PAX5: variants seen among roughly 807,000 people sequenced by gnomAD.
PAX5 encodes the protein paired box protein Pax-5.
PAX5 carries 9 observed loss-of-function variants against 43.7 expected under a neutral mutation model. The observed-to-expected ratio is 0.21, with a 90% CI of 0.12 to 0.36. The LOEUF is 0.36. Ranked by LOEUF, PAX5 falls within the 10% of genes least tolerant of loss-of-function variation. PAX5 has a pLI of 1.00. For missense variants in PAX5, 383 were observed against 532.7 expected (o/e 0.72, Z 2.77); for synonymous variants, 228 against 214.3 (o/e 1.06, Z -0.56).
intron 5 of PAX5, among the ~76,000 whole-genome samples, chr9:36,995,643 T>G (rs1034364728): frequency 1.3e-5 from 2 of 152,158 alleles, no homozygotes; most frequent in African/African-American, 2.4e-5. Flanking sequence ...ATCCTCTCTC[T>G]CTAGGTTTTG....
At chr9:36,984,340 T>G (rs772225199) in intron 5 of PAX5, among the ~76,000 whole-genome samples, 1 of 151,924 alleles carries the variant, frequency 6.6e-6, no homozygotes, top group Non-Finnish European at 1.5e-5. Context: ...AGTAGAGCAG[T>G]TATATGCACA....
chr9:36,927,712 C>CTTT (rs113477748), intron 6 of PAX5, among the ~76,000 whole-genome samples: 139 of 142,080 alleles, frequency 9.8e-4, no homozygotes, highest in Non-Finnish European at 1.6e-3. Context: ...TTTTCTTTTT[C>CTTT]TTTTTTTTTT....
At chr9:37,033,745 C>A (rs1365285654) in intron 1 of PAX5, among the ~76,000 whole-genome samples, 1 of 152,172 alleles carries the variant, frequency 6.6e-6, no homozygotes. Context: ...TGCAGACCCC[C>A]GGAAGGACGC....
chr9:37,008,191 C>T (rs1838623821), intron 3 of PAX5, among the ~76,000 whole-genome samples: 1 of 152,214 alleles, frequency 6.6e-6, no homozygotes, highest in Admixed American at 6.5e-5. Flanking sequence ...TCCCGAGTAG[C>T]TGGGACTACA....
chr9:37,032,992 A>G (rs763488260), intron 1 of PAX5, among the ~76,000 whole-genome samples: 54 of 152,184 alleles, frequency 3.5e-4, no homozygotes, highest in Non-Finnish European at 7.2e-4. Flanking sequence ...AAACCTGAGG[A>G]CACAGTGTGT....
intron 1 of PAX5, among the ~76,000 whole-genome samples, chr9:37,022,520 A>G (rs927866332): frequency 4.6e-5 from 7 of 152,228 alleles, no homozygotes; most frequent in African/African-American, 1.7e-4. Context: ...CAGGCAAAGG[A>G]AGCTTAAACA....
chr9:36,965,837 T>C (rs956113625), intron 6 of PAX5, among the ~76,000 whole-genome samples: 8 of 152,190 alleles, frequency 5.3e-5, no homozygotes, highest in South Asian at 2.1e-4. Context: ...AATAGTCTTA[T>C]GAACTGAATC....
chr9:37,029,054 A>G (rs1840705257), intron 1 of PAX5, among the ~76,000 whole-genome samples: 1 of 152,232 alleles, frequency 6.6e-6, no homozygotes, highest in Non-Finnish European at 1.5e-5. Context: ...CCCTTGCCCC[A>G]GCAACTCATG....
intron 6 of PAX5, among the ~76,000 whole-genome samples, chr9:36,936,875 C>T (rs1230692488): frequency 6.7e-6 from 1 of 149,582 alleles, no homozygotes; most frequent in Non-Finnish European, 1.5e-5. Context: ...CACACACACT[C>T]CTCAGGCCAA....
chr9:36,906,176 C>T (rs993392521), intron 7 of PAX5, among the ~76,000 whole-genome samples: 6 of 152,198 alleles, frequency 3.9e-5, no homozygotes, highest in African/African-American at 1.4e-4. Flanking sequence ...AGGATGTCTA[C>T]ATCCTAATTC....
At chr9:36,982,807 G>T (rs950634204) in intron 5 of PAX5, among the ~76,000 whole-genome samples, 7 of 152,076 alleles carry the variant, frequency 4.6e-5, no homozygotes, top group African/African-American at 1.7e-4. Context: ...GCACACAATG[G>T]GTGCACAATA....
intron 5 of PAX5, among the ~76,000 whole-genome samples, chr9:36,975,007 C>T (rs897376034): frequency 3.3e-5 from 5 of 152,202 alleles, no homozygotes; most frequent in Non-Finnish European, 7.3e-5. Context: ...AAGACTCAGT[C>T]TAAAAGCTGC....
chr9:36,985,151 C>G (rs1754447566), intron 5 of PAX5, among the ~76,000 whole-genome samples: 1 of 152,188 alleles, frequency 6.6e-6, no homozygotes, highest in South Asian at 2.1e-4. Context: ...TGTCCGTCTT[C>G]AAATGGGGGG....
intron 7 of PAX5, among the ~76,000 whole-genome samples, chr9:36,916,609 T>C (rs1829744008): frequency 6.6e-6 from 1 of 152,140 alleles, no homozygotes; most frequent in Non-Finnish European, 1.5e-5. Flanking sequence ...AAGGGAGTTT[T>C]AAACTTAAGT....
intron 8 of PAX5, among the ~76,000 whole-genome samples, chr9:36,853,121 C>G (rs1823324479): frequency 6.6e-6 from 1 of 152,228 alleles, no homozygotes; most frequent in Admixed American, 6.5e-5. Context: ...GCCTTTCTTT[C>G]ACCTTAATGT....
At chr9:37,024,731 A>G (rs1230029779) in intron 1 of PAX5, among the ~76,000 whole-genome samples, 1 of 152,180 alleles carries the variant, frequency 6.6e-6, no homozygotes, top group Non-Finnish European at 1.5e-5. Context: ...AGGCACAGAC[A>G]TTAGCGGTTG....
intron 5 of PAX5, among the ~76,000 whole-genome samples, chr9:36,985,973 A>C (rs961306614): frequency 2.6e-5 from 4 of 152,136 alleles, no homozygotes; most frequent in African/African-American, 9.7e-5. Flanking sequence ...TCAAGGAATG[A>C]TCAAGAACTC....
intron 6 of PAX5, among the ~76,000 whole-genome samples, chr9:36,923,822 G>A (rs1830378844): frequency 6.6e-6 from 1 of 152,232 alleles, no homozygotes; most frequent in South Asian, 2.1e-4. Flanking sequence ...GGGATGGAGG[G>A]TCCGTAACCA....
chr9:36,893,789 C>A (rs999635116), intron 7 of PAX5, among the ~76,000 whole-genome samples: 7 of 152,202 alleles, frequency 4.6e-5, no homozygotes, highest in Non-Finnish European at 1.0e-4. Flanking sequence ...CGTGCAGAGC[C>A]TTCGCTACTG....
Sources: gnomAD v4.1 joint callset for allele counts (sites outside exome capture counted in the v4.1 genomes callset) on GRCh38, gnomAD v4.1.1 for gene constraint, MANE v1.5 for transcripts, NCBI Gene and HGNC (gene_info 2026-07-23, HGNC 2026-07-21) for gene names.